The following LIMCH1 variants were observed in gnomAD, a reference collection of about 807,000 sequenced individuals.
LIMCH1 encodes the protein LIM and calponin homology domains 1.
A neutral mutation model predicts 176.5 loss-of-function variants in LIMCH1; 113 were observed. That is an observed-to-expected ratio of 0.64 (90% CI 0.55 to 0.75). The LOEUF (loss-of-function observed/expected upper bound fraction) is 0.75. LIMCH1 is among the 30% of genes least tolerant of loss of function. The pLI, the probability that LIMCH1 is intolerant of heterozygous loss-of-function variation, is 0.00. For synonymous variants in LIMCH1, 619 were observed against 645.9 expected (o/e 0.96, Z 0.63); for missense variants, 1,674 against 1,814.9 (o/e 0.92, Z 1.41).
intron 1 of LIMCH1, among the ~76,000 whole-genome samples, chr4:41,463,629 G>T (rs183288974): frequency 7.2e-4 from 109 of 150,810 alleles, no homozygotes; most frequent in African/African-American, 2.6e-3. Flanking sequence ...AGGCTGTTGT[G>T]CAGAGTCATG....
At chr4:41,454,817 C>T (rs530134158) in intron 1 of LIMCH1, among the ~76,000 whole-genome samples, 6 of 152,180 alleles carry the variant, frequency 3.9e-5, no homozygotes, top group Non-Finnish European at 8.8e-5. Flanking sequence ...TAAGGGCAAT[C>T]CAATGCTCAG....
intron 1 of LIMCH1, among the ~76,000 whole-genome samples, chr4:41,587,340 A>T (rs565951301): frequency 4.6e-5 from 7 of 152,078 alleles, no homozygotes; most frequent in African/African-American, 1.4e-4. Flanking sequence ...ATCCTCTTTC[A>T]TTAGCTACTG....
chr4:41,494,503 A>C (rs1261680823), intron 1 of LIMCH1: 19 of 1,556,586 alleles, frequency 1.2e-5, no homozygotes, highest in Non-Finnish European at 1.7e-5. Context: ...AAAAAGAAAA[A>C]CTTATGTGCT....
intron 1 of LIMCH1, among the ~76,000 whole-genome samples, chr4:41,450,240 A>G (rs1189553097): frequency 1.3e-5 from 2 of 152,144 alleles, no homozygotes; most frequent in Non-Finnish European, 2.9e-5. Flanking sequence ...AACAAGATAT[A>G]TTTCTCTTTT....
chr4:41,552,202 C>T (rs1033240390), intron 1 of LIMCH1, among the ~76,000 whole-genome samples: 4 of 152,130 alleles, frequency 2.6e-5, no homozygotes, highest in Non-Finnish European at 5.9e-5. Flanking sequence ...CTCCCTCCCA[C>T]AACTTGTGGG....
chr4:41,690,312 C>G (rs1724488438), intron 30 of LIMCH1, among the ~76,000 whole-genome samples: 2 of 152,090 alleles, frequency 1.3e-5, no homozygotes, highest in African/African-American at 4.8e-5. Flanking sequence ...GAGTAGGTGT[C>G]AATAAATATT....
intron 2 of LIMCH1, among the ~76,000 whole-genome samples, chr4:41,499,687 G>A (rs543629625): frequency 4.6e-5 from 7 of 152,114 alleles, no homozygotes; most frequent in South Asian, 2.1e-4. Context: ...GCGTGGTGGC[G>A]CATGCCTCTA....
At chr4:41,435,687 G>A (rs1300058073) in intron 1 of LIMCH1, among the ~76,000 whole-genome samples, 5 of 152,154 alleles carry the variant, frequency 3.3e-5, no homozygotes, top group African/African-American at 1.2e-4. Context: ...ACATTGAGGG[G>A]TAAGGAGTGA....
In LIMCH1 at chr4:41,401,787, T is replaced by G. The variant is rs140211980; in HGVS notation, c.96+40851T>G. Among the ~76,000 whole-genome samples, 482 of 152,348 alleles carry G rather than the reference T, an allele frequency of 3.2e-3. 2 individuals carry two copies. The highest frequency in any genetic ancestry group is 5.6e-3 in the Non-Finnish European group (380 of 68,034). ...GGATTCCTAAGTATTTTATTCTATT[T>G]GTAGCAAGTGTGAATGGGAGTTCAC... is the stretch of plus-strand genomic sequence containing the variant. On this transcript the variant is annotated intron_variant, in intron 1 of 26. Transcript: ENST00000313860.
chr4:41,650,263 A>T, intron 17 of LIMCH1, 130 bp from the exon 18 acceptor site: 2 of 675,082 alleles, frequency 3.0e-6, no homozygotes, highest in Non-Finnish European at 5.2e-6. Context: ...AACATTTAAG[A>T]GACCTCTTCC....
At chr4:41,607,749 AC>A (rs924357823) in intron 4 of LIMCH1, among the ~76,000 whole-genome samples, 3 of 152,318 alleles carry the variant, frequency 2.0e-5, no homozygotes, top group Admixed American at 1.3e-4. Context: ...CTGTAAAATG[AC>A]CTGTTGTTAA....
At chr4:41,400,927 A>G (rs2058368612) in intron 1 of LIMCH1, among the ~76,000 whole-genome samples, 1 of 152,200 alleles carries the variant, frequency 6.6e-6, no homozygotes, top group African/African-American at 2.4e-5. Flanking sequence ...GATTCTGGAT[A>G]TTAGCCCTTT....
chr4:41,646,639 T>TC lies in LIMCH1; in HGVS notation c.2567dup (p.Thr857AsnfsTer11). 6.2e-7 allele frequency: 1 copy of TC among 1,614,156 alleles called. No individual in the cohort carries two copies. The highest frequency in any genetic ancestry group is 2.2e-5 in the East Asian group (1 of 44,878). ...GCCAAAAATTCTGGAAAGAAGCCATTCAACAGAGCCAAATTTATCCTCCTT... is the reference window on the plus strand; with the variant it reads ...GCCAAAAATTCTGGAAAGAAGCCATTCCAACAGAGCCAAATTTATCCTCCTT... On this transcript the variant is annotated frameshift_variant, in exon 17 of 32. Coordinates refer to ENST00000503057, the MANE Select transcript of LIMCH1 (RefSeq NM_001330672.2). LOFTEE classifies it high-confidence loss of function.
Position 41,454,468 on chromosome 4 carries a change from A to AG in LIMCH1, c.97-40067dup, listed in dbSNP as rs565340706. Among the ~76,000 whole-genome samples, 46 of 152,120 alleles carry AG rather than the reference A, an allele frequency of 3.0e-4. 1 individual carries two copies. Among genetic ancestry groups the AG allele is most frequent in the Middle Eastern group, 3.4e-3 (1 of 294 alleles). ...ATGAGGGGGAGAGAGAGAGAGAGAGAGAGAGGGAGAGAGAGAGAATGTGCA... is the reference window on the plus strand; with the variant it reads ...ATGAGGGGGAGAGAGAGAGAGAGAGAGGAGAGGGAGAGAGAGAGAATGTGCA... On this transcript the variant is annotated intron_variant, in intron 1 of 26. Coordinates refer to the LIMCH1 transcript ENST00000313860.
intron 1 of LIMCH1, among the ~76,000 whole-genome samples, chr4:41,453,223 C>T (rs1470760290): frequency 6.6e-6 from 1 of 152,246 alleles, no homozygotes; most frequent in Admixed American, 6.5e-5. Flanking sequence ...TTATGAGATA[C>T]CGTATATATA....
At chr4:41,667,298 T>C (rs2094861367) in intron 21 of LIMCH1, among the ~76,000 whole-genome samples, 2 of 152,136 alleles carry the variant, frequency 1.3e-5, no homozygotes, top group Non-Finnish European at 2.9e-5. Context: ...CCTGGGTGCA[T>C]GATGATTATT....
intron 1 of LIMCH1, among the ~76,000 whole-genome samples, chr4:41,586,088 C>G (rs1476692272): frequency 1.6e-5 from 2 of 123,656 alleles, no homozygotes; most frequent in Admixed American, 1.6e-4. Context: ...CTCCTCCCCT[C>G]CCCTCCACTC....
chr4:41,593,566 C>T (rs1005371779), intron 1 of LIMCH1, among the ~76,000 whole-genome samples: 4 of 152,170 alleles, frequency 2.6e-5, no homozygotes, highest in Non-Finnish European at 5.9e-5. Flanking sequence ...AAGTCAAGAA[C>T]CTTTTCTCAC....
intron 1 of LIMCH1, among the ~76,000 whole-genome samples, chr4:41,487,630 T>C (rs2069863428): frequency 6.6e-6 from 1 of 151,268 alleles, no homozygotes; most frequent in African/African-American, 2.4e-5. Context: ...AGGTTGTATG[T>C]GGGGCACCAA....
Sources: allele counts gnomAD v4.1 joint callset (sites outside exome capture counted in the v4.1 genomes callset), GRCh38; gene constraint gnomAD v4.1.1; transcripts MANE v1.5; gene names NCBI Gene and HGNC (gene_info 2026-07-23, HGNC 2026-07-21).